The following KBTBD3 variants were observed in gnomAD, a reference collection of about 807,000 sequenced individuals.
KBTBD3 encodes the protein kelch repeat and BTB domain containing 3.
KBTBD3 carries 38 observed loss-of-function variants against 49.6 expected under a neutral mutation model. That is an observed-to-expected ratio of 0.77 (90% CI 0.59 to 1.00). The LOEUF is 1.00. KBTBD3 is among the 50% of genes least tolerant of loss of function. The probability of loss-of-function intolerance (pLI) is 0.00; values close to 1 mark genes in which losing one functional copy is unlikely to be tolerated. For missense variants in KBTBD3, 661 were observed against 712.0 expected, an observed-to-expected ratio of 0.93 and a Z score of 0.81; for synonymous variants, 214 against 250.4, an observed-to-expected ratio of 0.85 and a Z score of 1.37.
chr11:106,059,160 A>G, intron 2 of KBTBD3, 51 bp from the exon 3 acceptor site: 1 of 1,063,924 alleles, frequency 9.4e-7, no homozygotes, highest in Non-Finnish European at 1.3e-6. Flanking sequence ...TGCAAGTTTC[A>G]GACTCCAAAA....
rs1370225030 is a variant in KBTBD3, at chr11:106,051,340, A to G, written c.*1510T>C. 6.6e-6 allele frequency: 1 copy of G among 152,004 alleles called. No homozygotes were observed. The highest frequency in any genetic ancestry group is 1.9e-4 in the East Asian group (1 of 5,196). The allele number at this position is 152,004 out of a possible 1,614,324, so 9.4% of individuals were successfully genotyped here. The stretch of plus-strand genomic sequence containing the variant: ...AAGGCCACCAATAAATACGTCATCT[A>G]ATCAGGAACAGTCCTTGATTTTTAA... On this transcript the variant is annotated 3_prime_UTR_variant, in exon 4 of 4. Coordinates refer to ENST00000531837, the MANE Select transcript of KBTBD3 (RefSeq NM_198439.3).
At chr11:106,067,492 T>G (rs542717177) in intron 2 of KBTBD3, among the ~76,000 whole-genome samples, 16 of 151,720 alleles carry the variant, frequency 1.1e-4, no homozygotes, top group Admixed American at 1.1e-3. Context: ...AGTGGTAGGC[T>G]CCCAGCTACT....
Position 106,053,549 on chromosome 11 carries a change from T to C in KBTBD3, c.1140A>G (p.Lys380=). 1 of 1,613,792 alleles carries C rather than the reference T, an allele frequency of 6.2e-7. No individual in the cohort carries two copies. Among genetic ancestry groups the C allele is most frequent in the Non-Finnish European group, 8.5e-7 (1 of 1,179,870 alleles). Residue 380 remains lysine, a synonymous_variant, in exon 4 of 4, where the codon AAA becomes AAG. Coordinates refer to ENST00000531837, the MANE Select transcript of KBTBD3 (RefSeq NM_198439.3). ...TDQTWCYCPV[K]NDFFLVSTMK... is the part of the protein sequence containing the mutation. ...TAGTTGATACCAAGAAGAAATCATT[T>C]TTCACTGGACAGTAGCACCAGGTTT...
At chr11:106,063,645 A>G (rs548204217) in intron 2 of KBTBD3, among the ~76,000 whole-genome samples, 1 of 152,358 alleles carries the variant, frequency 6.6e-6, no homozygotes, top group East Asian at 1.9e-4. Flanking sequence ...TAAAAAATAC[A>G]TAATTGGCCG....
chr11:106,054,246 CT>C lies in KBTBD3; in HGVS notation c.442del (p.Ser148ValfsTer44). On this transcript the variant is annotated frameshift_variant, in exon 4 of 4. Transcript: ENST00000531837. LOFTEE classifies it high-confidence loss of function. ...SKACSDFLIK[S>X]INLVNCLQLL... The stretch of plus-strand genomic sequence containing the variant: ...CTGTAAACAATTGACAAGATTAATA[CT>C]TTTTATTAAAAAGTCACTGCAAGCT... 1 of 1,611,672 alleles carries C rather than the reference CT, an allele frequency of 6.2e-7. No homozygotes were observed. Among genetic ancestry groups the C allele is most frequent in the Non-Finnish European group, 8.5e-7 (1 of 1,178,796 alleles).
intron 3 of KBTBD3, among the ~76,000 whole-genome samples, 196 bp from the exon 4 acceptor site, chr11:106,054,651 T>C (rs1430302201): frequency 6.6e-6 from 1 of 151,698 alleles, no homozygotes; most frequent in Non-Finnish European, 1.5e-5. Flanking sequence ...ACAAAATGCC[T>C]ATATTACAAA....
intron 2 of KBTBD3, among the ~76,000 whole-genome samples, chr11:106,065,146 C>T (rs575027763): frequency 3.3e-5 from 5 of 152,210 alleles, no homozygotes; most frequent in African/African-American, 9.6e-5. Context: ...ATTTTTTTCA[C>T]AATGGTTTTG....
In KBTBD3 at chr11:106,065,059, G is replaced by A. The variant is rs143535584; in HGVS notation, c.-12-5950C>T. 7.9e-5 allele frequency among the ~76,000 whole-genome samples: 12 copies of A among 152,354 alleles called. No homozygotes were observed. The East Asian group carries it at 2.3e-3, about 29-fold the overall frequency. On this transcript the variant is annotated intron_variant, in intron 2 of 3. Coordinates refer to ENST00000531837, the MANE Select transcript of KBTBD3 (RefSeq NM_198439.3). ...TTTGATCAACATGGAACATTCTAAA[G>A]CAGTAATTACTACCCCATCCTCCAG...
chr11:106,068,537 TAC>T (rs1412829041), intron 2 of KBTBD3, among the ~76,000 whole-genome samples: 1 of 152,282 alleles, frequency 6.6e-6, no homozygotes, highest in African/African-American at 2.4e-5. Context: ...CTTACATTAC[TAC>T]AACTCACCCA....
chr11:106,059,163 C>G, intron 2 of KBTBD3, 54 bp from the exon 3 acceptor site: 1 of 1,016,120 alleles, frequency 9.8e-7, no homozygotes, highest in Non-Finnish European at 1.4e-6. Flanking sequence ...AAGTTTCAGA[C>G]TCCAAAATTC....
chr11:106,060,624 CT>C lies in KBTBD3; in HGVS notation c.-12-1516del, dbSNP rs1591535591. On this transcript the variant is annotated intron_variant, in intron 2 of 3. Transcript: ENST00000531837. ...CTGAAACTGGACCCCTTCCTTACAC[CT>C]TATACAAAAATTAACTCAAGATGGA... is the stretch of plus-strand genomic sequence containing the variant. 2.6e-5 allele frequency among the ~76,000 whole-genome samples: 4 copies of C among 152,248 alleles called. No individual in the cohort carries two copies. In the East Asian group the frequency reaches 7.7e-4, roughly 29 times the overall value.
chr11:106,066,842 C>T (rs1277872074), intron 2 of KBTBD3, among the ~76,000 whole-genome samples: 8 of 149,766 alleles, frequency 5.3e-5, no homozygotes, highest in South Asian at 2.1e-4. Context: ...ACAACAATAA[C>T]GAAAAACCCT....
intron 2 of KBTBD3, among the ~76,000 whole-genome samples, chr11:106,060,070 A>G (rs1165476180): frequency 6.6e-6 from 1 of 152,124 alleles, no homozygotes; most frequent in East Asian, 1.9e-4. Flanking sequence ...ACTGGGTTAC[A>G]TGTCCAGTAT....
intron 2 of KBTBD3, among the ~76,000 whole-genome samples, chr11:106,074,120 C>CA (rs1555076716): frequency 9.2e-4 from 83 of 89,960 alleles, no homozygotes; most frequent in African/African-American, 2.1e-3. Context: ...ACACCCCCCC[C>CA]CACACACATA....
chr11:106,062,776 T>C (rs1205578169), intron 2 of KBTBD3, among the ~76,000 whole-genome samples: 1 of 152,210 alleles, frequency 6.6e-6, no homozygotes, highest in Non-Finnish European at 1.5e-5. Context: ...GGCAAGCTTA[T>C]AAATGAAATT....
rs914938056 is a variant in KBTBD3 at position 106,053,880 on chromosome 11, A to G, written c.809T>C (p.Ile270Thr). The change falls in exon 4 of 4, where the codon ATA (isoleucine) becomes ACA (threonine). Residue 270 changes from isoleucine (I) to threonine (T), a missense_variant. Physicochemically the swap from Ile to Thr is moderately conservative, Grantham distance 89 (BLOSUM62 -1). Transcript: ENST00000531837. ...SLLKSTNCFDIIMDAIKCVQG... is the reference protein window; with the variant it reads ...SLLKSTNCFDTIMDAIKCVQG... ...CACACACTTAATTGCATCCATGATT[A>G]TGTCAAAACAGTTTGTGCTTTTGAG... The G allele has an allele frequency of 6.2e-6, 10 of 1,614,022 alleles. No homozygotes were observed. Among genetic ancestry groups the G allele is most frequent in the Non-Finnish European group, 8.5e-6 (10 of 1,179,918 alleles).
At chr11:106,061,306 A>T (rs1333247841) in intron 2 of KBTBD3, among the ~76,000 whole-genome samples, 2 of 152,214 alleles carry the variant, frequency 1.3e-5, no homozygotes, top group African/African-American at 4.8e-5. Flanking sequence ...CTGTTGTGCT[A>T]TGCAATACAG....
At chr11:106,063,820 A>G (rs535461135) in intron 2 of KBTBD3, among the ~76,000 whole-genome samples, 2 of 152,220 alleles carry the variant, frequency 1.3e-5, no homozygotes, top group Admixed American at 6.5e-5. Flanking sequence ...AGTCCCAGCT[A>G]CTCGGGAGGC....
At chr11:106,066,802 C>T (rs1440016754) in intron 2 of KBTBD3, among the ~76,000 whole-genome samples, 4 of 149,660 alleles carry the variant, frequency 2.7e-5, no homozygotes, top group Non-Finnish European at 4.4e-5. Flanking sequence ...ATTTCTCCTG[C>T]TAAGTACAAA....
Sources: gnomAD v4.1 joint callset for allele counts (sites outside exome capture counted in the v4.1 genomes callset) on GRCh38, gnomAD v4.1.1 for gene constraint, MANE v1.5 for transcripts, NCBI Gene and HGNC (gene_info 2026-07-23, HGNC 2026-07-21) for gene names.